The following PALM2AKAP2 variants were observed in gnomAD, a reference collection of about 807,000 sequenced individuals.
PALM2AKAP2 encodes the protein PALM2 and AKAP2 fusion.
PALM2AKAP2 carries 37 observed loss-of-function variants against 71.5 expected under a neutral mutation model. That is an observed-to-expected ratio of 0.52 (90% CI 0.40 to 0.68). The LOEUF (loss-of-function observed/expected upper bound fraction) is 0.68, where lower values mean the gene tolerates loss of function less well. Among genes scored for constraint, PALM2AKAP2 ranks in the 30% least tolerant of loss-of-function variants. PALM2AKAP2 has a pLI of 0.00. For synonymous variants in PALM2AKAP2, 468 were observed against 478.8 expected, an observed-to-expected ratio of 0.98 and a Z score of 0.29; for missense variants, 1,224 against 1,191.8, an observed-to-expected ratio of 1.03 and a Z score of -0.40.
intron 1 of PALM2AKAP2, among the ~76,000 whole-genome samples, chr9:110,090,900 G>A (rs1452023797): frequency 1.3e-5 from 2 of 151,996 alleles, no homozygotes; most frequent in Non-Finnish European, 1.5e-5. Flanking sequence ...AACTAGGCAC[G>A]TAGCTGTTAA....
At chr9:110,156,604 T>G in intron 3 of PALM2AKAP2, 107 bp downstream of exon 9, 1 of 1,360,286 alleles carries the variant, frequency 7.4e-7, no homozygotes, top group South Asian at 2.0e-5. Flanking sequence ...CTGGTCAGCA[T>G]TAGGGTTCCA....
At chr9:109,994,655 C>G (rs746524935) in intron 6 of PALM2AKAP2, among the ~76,000 whole-genome samples, 1 of 152,194 alleles carries the variant, frequency 6.6e-6, no homozygotes, top group Non-Finnish European at 1.5e-5. Flanking sequence ...CCTACTCCCC[C>G]GTCCTGCATC....
chr9:109,973,150 C>T (rs919377792), intron 6 of PALM2AKAP2, among the ~76,000 whole-genome samples: 1 of 152,112 alleles, frequency 6.6e-6, no homozygotes, highest in African/African-American at 2.4e-5. Flanking sequence ...CAAAGTGCCA[C>T]CTTAAATTTA....
At chr9:109,887,394 G>A (rs924182325) in intron 3 of PALM2AKAP2, among the ~76,000 whole-genome samples, 3 of 152,136 alleles carry the variant, frequency 2.0e-5, no homozygotes, top group African/African-American at 7.2e-5. Flanking sequence ...TCCAGCCGGG[G>A]TCCCCACCCC....
intron 3 of PALM2AKAP2, among the ~76,000 whole-genome samples, chr9:109,917,356 G>T (rs1830716734): frequency 6.6e-6 from 1 of 152,128 alleles, no homozygotes. Flanking sequence ...GTAGATTGTT[G>T]TAAGCCACTA....
At chr9:109,797,123 G>A (rs916927174) in intron 1 of PALM2AKAP2, among the ~76,000 whole-genome samples, 1 of 151,970 alleles carries the variant, frequency 6.6e-6, no homozygotes, top group South Asian at 2.1e-4. Flanking sequence ...TACCTTCTTG[G>A]GGTTCTTCCC....
At chr9:109,789,708 A>G (rs1827060004) in intron 1 of PALM2AKAP2, among the ~76,000 whole-genome samples, 1 of 152,174 alleles carries the variant, frequency 6.6e-6, no homozygotes, top group South Asian at 2.1e-4. Context: ...GGTTGCTCAT[A>G]AGTGCTCTGG....
At chr9:110,101,513 C>A (rs1217097891) in intron 1 of PALM2AKAP2, among the ~76,000 whole-genome samples, 1 of 152,186 alleles carries the variant, frequency 6.6e-6, no homozygotes, top group African/African-American at 2.4e-5. Flanking sequence ...TAGTCACACG[C>A]TTTCAGGGGC....
intron 1 of PALM2AKAP2, 90 bp from the exon 2 acceptor site, chr9:109,867,401 T>C (rs925445514): frequency 1.4e-6 from 2 of 1,442,250 alleles, no homozygotes; most frequent in African/African-American, 2.8e-5. Context: ...TCTATACAGA[T>C]GTGTGCTGCT....
chr9:109,882,660 A>G (rs1829879648), intron 3 of PALM2AKAP2, among the ~76,000 whole-genome samples: 1 of 151,832 alleles, frequency 6.6e-6, no homozygotes, highest in African/African-American at 2.4e-5. Flanking sequence ...TTTTTTTTTA[A>G]GAGATGAGAT....
chr9:109,681,511 G>T (rs763654011), intron 1 of PALM2AKAP2, among the ~76,000 whole-genome samples: 1 of 152,154 alleles, frequency 6.6e-6, no homozygotes, highest in Non-Finnish European at 1.5e-5. Flanking sequence ...AAGGATTCCT[G>T]CCTGCAGATA....
chr9:109,760,927 T>C (rs1829041339), intron 1 of PALM2AKAP2, among the ~76,000 whole-genome samples: 3 of 152,312 alleles, frequency 2.0e-5, no homozygotes, highest in African/African-American at 7.2e-5. Context: ...TCAATTCCTG[T>C]AACTTTGTGT....
At chr9:109,653,964 CAA>C (rs1338751367) in intron 1 of PALM2AKAP2, among the ~76,000 whole-genome samples, 16 of 152,284 alleles carry the variant, frequency 1.1e-4, no homozygotes, top group African/African-American at 3.6e-4. Flanking sequence ...TGTGGATAGG[CAA>C]AGTCTCTATT....
intron 6 of PALM2AKAP2, among the ~76,000 whole-genome samples, chr9:109,965,212 A>G (rs1930254): frequency 6.6e-6 from 1 of 152,128 alleles, no homozygotes; most frequent in African/African-American, 2.4e-5. Context: ...ATAGATTTGT[A>G]TGGAGAATAA....
intron 1 of PALM2AKAP2, among the ~76,000 whole-genome samples, chr9:109,823,723 G>A (rs539226198): frequency 5.9e-5 from 9 of 152,302 alleles, no homozygotes; most frequent in Non-Finnish European, 1.2e-4. Context: ...TCTACAGAAT[G>A]GAGATACTGG....
intron 1 of PALM2AKAP2, among the ~76,000 whole-genome samples, chr9:110,055,260 A>G (rs1010251996): frequency 6.6e-6 from 1 of 151,782 alleles, no homozygotes; most frequent in Non-Finnish European, 1.5e-5. Flanking sequence ...CAGTGGCGCA[A>G]TCTCAGCTCA....
At chr9:109,846,205 C>T (rs1828850196) in intron 1 of PALM2AKAP2, among the ~76,000 whole-genome samples, 1 of 152,104 alleles carries the variant, frequency 6.6e-6, no homozygotes, top group Non-Finnish European at 1.5e-5. Context: ...GCACAGAAAC[C>T]TGAGGGGTAG....
intron 3 of PALM2AKAP2, among the ~76,000 whole-genome samples, chr9:109,882,678 T>A (rs1829879927): frequency 6.6e-6 from 1 of 152,174 alleles, no homozygotes; most frequent in Non-Finnish European, 1.5e-5. Flanking sequence ...GATCTCACTC[T>A]GCTGTCCAGG....
chr9:110,095,328 AC>A (rs1264101069), intron 1 of PALM2AKAP2, among the ~76,000 whole-genome samples: 1 of 152,148 alleles, frequency 6.6e-6, no homozygotes, highest in African/African-American at 2.4e-5. Flanking sequence ...CAGGATGGAA[AC>A]CTATTTAGTT....
Sources: gnomAD v4.1 joint callset for allele counts (sites outside exome capture counted in the v4.1 genomes callset) on GRCh38, gnomAD v4.1.1 for gene constraint, MANE v1.5 for transcripts, NCBI Gene and HGNC (gene_info 2026-07-23, HGNC 2026-07-21) for gene names.